DIPK2B: variants seen among roughly 807,000 people sequenced by gnomAD.
DIPK2B encodes the protein divergent protein kinase domain 2B, also known as UPF0672 protein CXorf36.
DIPK2B carries 15 observed loss-of-function variants against 22.2 expected under a neutral mutation model. That is an observed-to-expected ratio of 0.68 (90% CI 0.45 to 1.04). DIPK2B has a LOEUF of 1.04. Ranked by LOEUF, DIPK2B falls within the 50% of genes least tolerant of loss-of-function variation. The pLI is 0.00. For synonymous variants in DIPK2B, 163 were observed against 153.2 expected (o/e 1.06, Z -0.47); for missense variants, 345 against 348.3 (o/e 0.99, Z 0.08).
intron 2 of DIPK2B, among the ~76,000 whole-genome samples, chrX:45,171,678 C>T (rs2047082808): frequency 8.9e-6 from 1 of 112,284 alleles, no homozygotes. Flanking sequence ...CCCATCCTTC[C>T]TCTCCCAGTT....
At chrX:45,162,925 C>T (rs1284917489) in intron 2 of DIPK2B, 1 of 752,284 alleles carries the variant, frequency 1.3e-6, no homozygotes, top group Non-Finnish European at 1.6e-6. Flanking sequence ...TCACAGTTCT[C>T]TACCACAATC....
rs928682485 is a variant in DIPK2B, at chrX:45,149,268, C to G, written c.*2384G>C. ...CGTGGGACTCTGGAGGGTCTGGAGGCTGTGGCCTCTCTCCTGGTCTCTGGT... is the reference window on the plus strand; with the variant it reads ...CGTGGGACTCTGGAGGGTCTGGAGGGTGTGGCCTCTCTCCTGGTCTCTGGT... On this transcript the variant is annotated 3_prime_UTR_variant, in exon 5 of 5. Transcript: ENST00000398000. 1 of 112,931 alleles carries G rather than the reference C, an allele frequency of 8.9e-6. No individual in the cohort carries two copies. The highest frequency in any genetic ancestry group is 3.2e-5 in the African/African-American group (1 of 30,960). The allele number at this position is 112,931 out of a possible 1,213,427, so 9.3% of individuals were successfully genotyped here. A position where few individuals can be genotyped will look rare whatever the true frequency, so the allele number is the denominator to read the frequency against.
At chrX:45,152,071 G>C (rs2046965231) in intron 4 of DIPK2B, 79 bp from the exon 5 acceptor site, 1 of 953,968 alleles carries the variant, frequency 1.0e-6, no homozygotes, top group African/African-American at 2.0e-5. Context: ...AGAATTCCTG[G>C]GTGGGGCCGG....
chrX:45,153,847 C>G, intron 4 of DIPK2B, 63 bp downstream of exon 4: 1 of 1,073,699 alleles, frequency 9.3e-7, no homozygotes, highest in Non-Finnish European at 1.3e-6. Context: ...GGCCACCCCT[C>G]CCTAGCTCCT....
chrX:45,153,937 C>T lies in DIPK2B; in HGVS notation c.934G>A (p.Ala312Thr). 1 of 1,210,435 alleles carries T rather than the reference C, an allele frequency of 8.3e-7. No individual in the cohort carries two copies. Among genetic ancestry groups the T allele is most frequent in the Non-Finnish European group, 1.1e-6 (1 of 894,817 alleles). ...TCCTGCTTGTCGATGACGCCCACTG[C>T]ACTGGCATCCCGGATGAACAGATGC... Reference protein sequence around the residue: ...NGHLFIRDASAVGVIDKQEGS... With the variant: ...NGHLFIRDASTVGVIDKQEGS... Residue 312 changes from alanine to threonine, a missense_variant, in exon 4 of 5, where the codon GCA becomes ACA. By Grantham distance (58) the Ala-to-Thr change is moderately conservative (BLOSUM62 0). Coordinates refer to ENST00000398000, the MANE Select transcript of DIPK2B (RefSeq NM_176819.4).
At position 45,186,922 on chromosome X, in the gene DIPK2B, C is replaced by T. The variant is rs138124994; in HGVS notation, c.498+4829G>A. On this transcript the variant is annotated intron_variant, in intron 2 of 4. Transcript: ENST00000398000. ...AACAAAAGTGAATTTCACTTGTTTA[C>T]TAGTTCATCGGAACCCACATTTAGA... is the stretch of plus-strand genomic sequence containing the variant. Among the ~76,000 whole-genome samples, 975 of 112,667 alleles carry T rather than the reference C, an allele frequency of 8.7e-3. 12 individuals are homozygous for T. Among genetic ancestry groups the T allele is most frequent in the African/African-American group, 0.03 (930 of 31,016 alleles).
intron 2 of DIPK2B, chrX:45,191,381 C>T (rs908383084): frequency 1.6e-5 from 3 of 186,173 alleles, no homozygotes; most frequent in Non-Finnish European, 3.0e-5. Flanking sequence ...GAATACTCAG[C>T]TAGCCTGGCG....
chrX:45,167,900 GTC>G (rs1569544751), intron 2 of DIPK2B, among the ~76,000 whole-genome samples: 1 of 112,394 alleles, frequency 8.9e-6, no homozygotes, highest in East Asian at 2.8e-4. Context: ...GGCCAGGCTG[GTC>G]TTGAACTCCT....
At chrX:45,174,120 T>A (rs913332795) in intron 2 of DIPK2B, among the ~76,000 whole-genome samples, 6 of 111,440 alleles carry the variant, frequency 5.4e-5, no homozygotes, top group African/African-American at 1.6e-4. Flanking sequence ...TGCTGGCAGT[T>A]CCAACCCAGG....
At chrX:45,195,579 A>G (rs925026598) in intron 1 of DIPK2B, among the ~76,000 whole-genome samples, 1 of 111,557 alleles carries the variant, frequency 9.0e-6, no homozygotes, top group Non-Finnish European at 1.9e-5. Flanking sequence ...CCTTTAACCC[A>G]TTTAGTACCT....
Position 45,150,026 on chromosome X carries a change from T to G in DIPK2B, c.*1626A>C, listed in dbSNP as rs926899826. The stretch of plus-strand genomic sequence containing the variant: ...CCTCCTGAGTAGCTGGGATTACAGG[T>G]GCCCGCCACCACACCTGGCTAATTT... On this transcript the variant is annotated 3_prime_UTR_variant, in exon 5 of 5. Coordinates refer to ENST00000398000, the MANE Select transcript of DIPK2B (RefSeq NM_176819.4). 5.4e-5 allele frequency: 6 copies of G among 111,839 alleles called. No individual in the cohort carries two copies. The highest frequency in any genetic ancestry group is 2.0e-4 in the African/African-American group (6 of 30,694). The allele number at this position is 111,839 out of a possible 1,213,427, so 9.2% of individuals were successfully genotyped here.
At position 45,151,510 on chromosome X, in the gene DIPK2B, C is replaced by T; in HGVS notation, c.*142G>A. On this transcript the variant is annotated 3_prime_UTR_variant, in exon 5 of 5. Transcript: ENST00000398000. ...GAGACAGCCACGTGGTATCTCACAACTCCCCTCTCAGTCCCTAAGAAATGA... is the reference window on the plus strand; with the variant it reads ...GAGACAGCCACGTGGTATCTCACAATTCCCCTCTCAGTCCCTAAGAAATGA... 1.6e-6 allele frequency: 1 copy of T among 620,931 alleles called. No homozygotes were observed. The highest frequency in any genetic ancestry group is 2.4e-6 in the Non-Finnish European group (1 of 410,533). The allele number at this position is 620,931 out of a possible 1,213,427, so 51.2% of individuals were successfully genotyped here. A position where few individuals can be genotyped will look rare whatever the true frequency, so the allele number is the denominator to read the frequency against.
chrX:45,160,330 C>T (rs978532993), intron 2 of DIPK2B, among the ~76,000 whole-genome samples: 2 of 110,625 alleles, frequency 1.8e-5, no homozygotes, highest in Admixed American at 9.6e-5. Context: ...GGTTCAGCCT[C>T]CCAAGTAGCT....
At chrX:45,187,486 A>G (rs1228366587) in intron 2 of DIPK2B, among the ~76,000 whole-genome samples, 4 of 110,765 alleles carry the variant, frequency 3.6e-5, no homozygotes, top group African/African-American at 1.3e-4. Context: ...ACACACACAC[A>G]CACACACACA....
intron 2 of DIPK2B, among the ~76,000 whole-genome samples, chrX:45,186,944 T>A (rs1384155709): frequency 8.9e-6 from 1 of 112,755 alleles, no homozygotes; most frequent in Non-Finnish European, 1.9e-5. Context: ...AACCCACATT[T>A]AGATTATATA....
At chrX:45,193,716 A>C (rs1286292246) in intron 1 of DIPK2B, among the ~76,000 whole-genome samples, 3 of 112,526 alleles carry the variant, frequency 2.7e-5, no homozygotes, top group Non-Finnish European at 5.6e-5. Flanking sequence ...CTGTACAAGA[A>C]CACTGGCATC....
intron 2 of DIPK2B, chrX:45,163,657 C>T: frequency 1.3e-6 from 1 of 754,404 alleles, no homozygotes; most frequent in South Asian, 6.7e-5. Flanking sequence ...TTTCATGACT[C>T]TGATGGAGGT....
chrX:45,194,215 C>A (rs1156960133), intron 1 of DIPK2B, among the ~76,000 whole-genome samples: 1 of 106,066 alleles, frequency 9.4e-6, no homozygotes, highest in African/African-American at 3.5e-5. Flanking sequence ...GCAGTGGGGA[C>A]ACCACTGGAC....
At chrX:45,180,065 A>G (rs1307153411) in intron 2 of DIPK2B, among the ~76,000 whole-genome samples, 1 of 111,600 alleles carries the variant, frequency 9.0e-6, no homozygotes, top group Non-Finnish European at 1.9e-5. Context: ...TTTCCTTTAA[A>G]TGATGGAATA....
Sources: gnomAD v4.1 joint callset for allele counts (sites outside exome capture counted in the v4.1 genomes callset) on GRCh38, gnomAD v4.1.1 for gene constraint, MANE v1.5 for transcripts, NCBI Gene and HGNC (gene_info 2026-07-23, HGNC 2026-07-21) for gene names.